CAST: variants seen among roughly 807,000 people sequenced by gnomAD.
CAST encodes MIR583 host.
CAST carries 76 observed loss-of-function variants against 119.6 expected under a neutral mutation model. That is an observed-to-expected ratio of 0.64 (90% CI 0.53 to 0.77). The LOEUF is 0.77. CAST is among the 30% of genes least tolerant of loss of function. The pLI, the probability that CAST is intolerant of heterozygous loss-of-function variation, is 0.00. For missense variants in CAST, 953 were observed against 946.5 expected, an observed-to-expected ratio of 1.01 and a Z score of -0.09; for synonymous variants, 319 against 331.6, an observed-to-expected ratio of 0.96 and a Z score of 0.41.
intron 1 of CAST, among the ~76,000 whole-genome samples, chr5:96,623,334 A>G (rs1747658245): frequency 6.6e-6 from 1 of 152,170 alleles, no homozygotes; most frequent in Non-Finnish European, 1.5e-5. Context: ...AATTCATAAC[A>G]TGAATACATG....
the CAST span, among the ~76,000 whole-genome samples, chr5:95,969,664 T>C: frequency 6.6e-6 from 1 of 152,016 alleles, no homozygotes; most frequent in Admixed American, 6.6e-5. Context: ...TTTATTTGAG[T>C]ATGAGAGGTG....
chr5:95,961,731 C>T, the CAST span: 1 of 1,594,668 alleles, frequency 6.3e-7, no homozygotes, highest in Non-Finnish European at 8.5e-7. Flanking sequence ...TCTTAAACTC[C>T]CCGGGGTGCC....
the CAST span, chr5:96,433,143 A>G: frequency 0.19 from 215,666 of 1,125,084 alleles, 22,205 homozygotes; most frequent in East Asian, 0.3. Flanking sequence ...CTCGGGCTCT[A>G]GACCACTCCT....
chr5:96,348,578 T>C, the CAST span, among the ~76,000 whole-genome samples: 28 of 152,234 alleles, frequency 1.8e-4, no homozygotes, highest in Admixed American at 2.6e-4. Flanking sequence ...GTTGAGGCTA[T>C]ATAGTTCCAA....
intron 9 of CAST, among the ~76,000 whole-genome samples, chr5:96,733,052 C>T (rs900380912): frequency 3.3e-5 from 5 of 152,130 alleles, no homozygotes; most frequent in Non-Finnish European, 7.4e-5. Flanking sequence ...CCTGAAACAT[C>T]ATTTTTTTCC....
chr5:96,735,377 T>C (rs1054843479), intron 9 of CAST, among the ~76,000 whole-genome samples: 1 of 152,212 alleles, frequency 6.6e-6, no homozygotes, highest in Non-Finnish European at 1.5e-5. Context: ...ATGGTCCCCT[T>C]TTATCTTAAA....
At chr5:96,428,054 T>C in the CAST span, among the ~76,000 whole-genome samples, 1 of 152,160 alleles carries the variant, frequency 6.6e-6, no homozygotes, top group African/African-American at 2.4e-5. Flanking sequence ...AATACAGCAT[T>C]GTCAGGATGT....
the CAST span, among the ~76,000 whole-genome samples, chr5:96,003,670 T>C: frequency 6.6e-6 from 1 of 152,224 alleles, no homozygotes; most frequent in Non-Finnish European, 1.5e-5. Context: ...AAAATTATTC[T>C]TTAATAACTT....
chr5:96,005,671 C>T, the CAST span, among the ~76,000 whole-genome samples: 1 of 151,938 alleles, frequency 6.6e-6, no homozygotes, highest in African/African-American at 2.4e-5. Context: ...AAAATAAAAC[C>T]AATTCAAACT....
the CAST span, among the ~76,000 whole-genome samples, chr5:96,367,865 A>G: frequency 6.6e-6 from 1 of 151,998 alleles, no homozygotes; most frequent in African/African-American, 2.4e-5. Flanking sequence ...CAGTGAGATG[A>G]ACCCAGTACC....
the CAST span, among the ~76,000 whole-genome samples, chr5:96,376,589 C>T: frequency 6.6e-6 from 1 of 152,070 alleles, no homozygotes; most frequent in African/African-American, 2.4e-5. Context: ...TACAGGCATG[C>T]ACCACTATGC....
the CAST span, among the ~76,000 whole-genome samples, chr5:96,128,661 TGA>T: frequency 4.6e-5 from 7 of 152,146 alleles, no homozygotes; most frequent in Non-Finnish European, 8.8e-5. Flanking sequence ...TCTTGTCTCC[TGA>T]GAGTGGTACA....
At chr5:96,703,005 G>A (rs933199085) in intron 3 of CAST, 2 of 930,426 alleles carry the variant, frequency 2.1e-6, no homozygotes, top group African/African-American at 3.6e-5. Flanking sequence ...TGCGTGTCCG[G>A]GGCCTGGTCC....
intron 1 of CAST, among the ~76,000 whole-genome samples, chr5:96,588,838 A>G (rs965106787): frequency 1.3e-5 from 2 of 152,166 alleles, no homozygotes; most frequent in East Asian, 3.8e-4. Flanking sequence ...TTGGTTAACT[A>G]TTTACTTCAT....
At chr5:96,732,578 C>G (rs1760782149) in intron 9 of CAST, among the ~76,000 whole-genome samples, 1 of 150,848 alleles carries the variant, frequency 6.6e-6, no homozygotes, top group African/African-American at 2.4e-5. Context: ...AGTCCTTGCC[C>G]ATGCCTATGT....
chr5:96,097,540 C>T, the CAST span, among the ~76,000 whole-genome samples: 1 of 152,026 alleles, frequency 6.6e-6, no homozygotes. Context: ...GTCCATGTAT[C>T]CTCATCATTT....
the CAST span, among the ~76,000 whole-genome samples, chr5:96,025,859 T>C: frequency 6.6e-6 from 1 of 152,224 alleles, no homozygotes; most frequent in Non-Finnish European, 1.5e-5. Context: ...TATCCATCCC[T>C]ACTCGAGGGG....
At chr5:96,469,828 AAGAC>A in the CAST span, among the ~76,000 whole-genome samples, 7 of 145,836 alleles carry the variant, frequency 4.8e-5, no homozygotes, top group South Asian at 2.2e-4. Context: ...CAGAGGGAGA[AAGAC>A]AGAGAGAGAG....
At chr5:96,072,612 C>T in the CAST span, among the ~76,000 whole-genome samples, 3 of 152,164 alleles carry the variant, frequency 2.0e-5, no homozygotes, top group African/African-American at 7.2e-5. Flanking sequence ...AATAATTTGA[C>T]GAGATCAGCA....
Sources: allele counts gnomAD v4.1 joint callset (sites outside exome capture counted in the v4.1 genomes callset), GRCh38; gene constraint gnomAD v4.1.1; transcripts MANE v1.5; gene names NCBI Gene and HGNC (gene_info 2026-07-23, HGNC 2026-07-21).